The following DOCK1 variants were observed in gnomAD, a reference collection of about 807,000 sequenced individuals.
The protein encoded by DOCK1 is dedicator of cytokinesis protein 1.
A neutral mutation model predicts 262.7 loss-of-function variants in DOCK1; 138 were observed. That is an observed-to-expected ratio of 0.53 (90% CI 0.46 to 0.61). The LOEUF (loss-of-function observed/expected upper bound fraction) is 0.61, where lower values mean the gene tolerates loss of function less well. DOCK1 is among the 20% of genes least tolerant of loss of function. The pLI, the probability that DOCK1 is intolerant of heterozygous loss-of-function variation, is 0.00. For missense variants in DOCK1, 1,908 were observed against 2,370.7 expected, an observed-to-expected ratio of 0.80 and a Z score of 4.05; for synonymous variants, 866 against 867.4, an observed-to-expected ratio of 1.00 and a Z score of 0.03.
At chr10:127,347,262 C>T (rs889897358) in intron 31 of DOCK1, among the ~76,000 whole-genome samples, 5 of 152,216 alleles carry the variant, frequency 3.3e-5, no homozygotes, top group African/African-American at 9.6e-5. Flanking sequence ...GCCATGGTCC[C>T]GGTGCCGGGG....
intron 1 of DOCK1, among the ~76,000 whole-genome samples, chr10:126,919,494 A>G (rs2032952179): frequency 6.6e-6 from 1 of 151,796 alleles, no homozygotes; most frequent in South Asian, 2.1e-4. Flanking sequence ...ATTTCTTCAC[A>G]TTATTCTTGG....
intron 16 of DOCK1, among the ~76,000 whole-genome samples, chr10:127,030,824 A>G (rs9418714): frequency 0.23 from 33,605 of 147,894 alleles, 3,663 homozygotes; most frequent in Middle Eastern, 0.29. Flanking sequence ...CTCTGTCTCT[A>G]TCTCTATCTC....
At position 127,023,209 on chromosome 10, in the gene DOCK1, G is replaced by A; in HGVS notation, c.1337G>A (p.Arg446Gln). Reference protein sequence around the residue: ...FPEIIMPGDVRNDIYVTLVQG... With the variant: ...FPEIIMPGDVQNDIYVTLVQG... The stretch of plus-strand genomic sequence containing the variant: ...ATTTCTCCCCCCTCAGGTGATGTTC[G>A]AAATGATATCTATGTAACATTAGTT... The change falls in exon 14 of 52, where the codon CGA (arginine) becomes CAA (glutamine). Residue 446 changes from arginine (R) to glutamine (Q), a missense_variant. Physicochemically the swap from Arg to Gln is conservative, Grantham distance 43. Coordinates refer to ENST00000623213, the MANE Select transcript of DOCK1 (RefSeq NM_001290223.2). 7 of 1,613,464 alleles carry A rather than the reference G, an allele frequency of 4.3e-6. No individual in the cohort carries two copies. Among genetic ancestry groups the A allele is most frequent in the Admixed American group, 3.3e-5 (2 of 59,930 alleles).
In DOCK1 at chr10:127,125,491, C is replaced by T. The variant is rs1377138637; in HGVS notation, c.2641C>T (p.Leu881Phe). The T allele has an allele frequency of 6.2e-7, 1 of 1,613,340 alleles. No homozygotes were observed. The highest frequency in any genetic ancestry group is 8.5e-7 in the Non-Finnish European group (1 of 1,179,822). The change falls in exon 26 of 52, where the codon CTT becomes TTT. Residue 881 changes from leucine to phenylalanine, a missense_variant. Around this residue, in one of 9 missense-constraint regions of DOCK1, gnomAD observed 518 missense variants for 575.1 expected, o/e 0.90. Coordinates refer to ENST00000623213, the MANE Select transcript of DOCK1 (RefSeq NM_001290223.2). ...CTGTGTAGACTGCAGAGAGATCCTG[C>T]TTCCCATGATGACCGATCAGCTCAA... is the stretch of plus-strand genomic sequence containing the variant. Reference protein sequence around the residue: ...FTQHDCREILLPMMTDQLKYH... With the variant: ...FTQHDCREILFPMMTDQLKYH...
intron 21 of DOCK1, among the ~76,000 whole-genome samples, chr10:127,050,236 A>C (rs1256633425): frequency 6.6e-6 from 1 of 151,230 alleles, no homozygotes; most frequent in Non-Finnish European, 1.5e-5. Context: ...TAATTATAAT[A>C]GATATTTCCA....
At chr10:127,361,923 G>A in intron 32 of DOCK1, 141 bp from the exon 33 acceptor site, 1 of 924,784 alleles carries the variant, frequency 1.1e-6, no homozygotes, top group Non-Finnish European at 1.6e-6. Context: ...ATCATCATCT[G>A]CAGACGCGAA....
chr10:127,017,370 TACAG>T (rs1273092668), intron 12 of DOCK1, among the ~76,000 whole-genome samples: 2 of 150,834 alleles, frequency 1.3e-5, no homozygotes, highest in African/African-American at 4.9e-5. Context: ...TAAGCACAGA[TACAG>T]ACACAGACAT....
At chr10:127,299,410 G>T (rs1446114877) in intron 29 of DOCK1, among the ~76,000 whole-genome samples, 2 of 152,176 alleles carry the variant, frequency 1.3e-5, no homozygotes, top group African/African-American at 2.4e-5. Flanking sequence ...GGCCAAGAAG[G>T]GTGGGCTCTT....
chr10:127,010,082 A>C (rs556068777), intron 11 of DOCK1, among the ~76,000 whole-genome samples: 163 of 150,840 alleles, frequency 1.1e-3, no homozygotes, highest in Non-Finnish European at 2.0e-3. Context: ...AGCATGCACA[A>C]CTAGAGGCAA....
At chr10:127,126,677 C>T (rs2049984348) in intron 26 of DOCK1, among the ~76,000 whole-genome samples, 1 of 152,174 alleles carries the variant, frequency 6.6e-6, no homozygotes, top group African/African-American at 2.4e-5. Flanking sequence ...ACACATGATG[C>T]TATTGATCTT....
chr10:127,264,646 T>C (rs2060289243), intron 29 of DOCK1, among the ~76,000 whole-genome samples: 1 of 152,060 alleles, frequency 6.6e-6, no homozygotes, highest in Non-Finnish European at 1.5e-5. Context: ...CACGGGAAGC[T>C]GGCAGTTTAC....
At chr10:127,055,396 A>C (rs2045070432) in intron 22 of DOCK1, among the ~76,000 whole-genome samples, 1 of 152,194 alleles carries the variant, frequency 6.6e-6, no homozygotes, top group Non-Finnish European at 1.5e-5. Flanking sequence ...TGTGCCAGCT[A>C]TTCTTCTTTG....
intron 23 of DOCK1, among the ~76,000 whole-genome samples, chr10:127,092,088 A>T (rs2047568199): frequency 6.6e-6 from 1 of 152,190 alleles, no homozygotes; most frequent in Non-Finnish European, 1.5e-5. Context: ...CAAGTGCCTG[A>T]TGGACACCTG....
At chr10:127,211,281 C>G (rs1297302525) in intron 27 of DOCK1, among the ~76,000 whole-genome samples, 2 of 152,202 alleles carry the variant, frequency 1.3e-5, no homozygotes, top group Non-Finnish European at 2.9e-5. Context: ...GACATTGTCT[C>G]AGTGTACTCA....
intron 29 of DOCK1, among the ~76,000 whole-genome samples, chr10:127,300,349 G>A (rs758332025): frequency 1.6e-4 from 25 of 152,114 alleles, no homozygotes; most frequent in Non-Finnish European, 3.4e-4. Context: ...AAAGCTTCTT[G>A]GGAAAAGCCA....
At chr10:127,098,497 A>C (rs2048040261) in intron 23 of DOCK1, among the ~76,000 whole-genome samples, 1 of 152,208 alleles carries the variant, frequency 6.6e-6, no homozygotes, top group Non-Finnish European at 1.5e-5. Context: ...AGTCGAGCTT[A>C]TCACATGCAC....
In DOCK1 at chr10:127,110,299, C is replaced by A. The variant is rs565727397; in HGVS notation, c.2568C>A (p.Ile856=). The change falls in exon 25 of 52, where the codon ATC becomes ATA. Residue 856 remains isoleucine (I), a synonymous_variant. Transcript: ENST00000623213. Reference sequence around the variant, plus strand: ...ATGTTCCCATGGGCTTGCTGACCATCCAGAAACTCTACTGCTTGATCGAAA... The same window carrying A: ...ATGTTCCCATGGGCTTGCTGACCATACAGAAACTCTACTGCTTGATCGAAA... ...ILNVPMGLLT[I]QKLYCLIEIV... 1.9e-6 allele frequency: 3 copies of A among 1,613,708 alleles called. No homozygotes were observed. The highest frequency in any genetic ancestry group is 1.7e-5 in the Admixed American group (1 of 60,004).
At chr10:127,040,780 A>G (rs2043965630) in intron 19 of DOCK1, among the ~76,000 whole-genome samples, 1 of 152,162 alleles carries the variant, frequency 6.6e-6, no homozygotes, top group Non-Finnish European at 1.5e-5. Context: ...TTTCATTGAG[A>G]TATAATTCAC....
chr10:127,329,055 T>C (rs552312895), intron 29 of DOCK1, among the ~76,000 whole-genome samples: 57 of 152,206 alleles, frequency 3.7e-4, no homozygotes, highest in East Asian at 3.7e-3. Flanking sequence ...ACATCCACAG[T>C]GTTGCTCAGT....
Sources: gnomAD v4.1 joint callset for allele counts (sites outside exome capture counted in the v4.1 genomes callset) on GRCh38, gnomAD v4.1.1 for gene constraint, gnomAD v4.1.1 regional missense constraint, MANE v1.5 for transcripts, NCBI Gene and HGNC (gene_info 2026-07-23, HGNC 2026-07-21) for gene names.